HTR5A: variants seen among roughly 807,000 people sequenced by gnomAD.
HTR5A encodes the protein 5-hydroxytryptamine receptor 5A.
HTR5A carries 21 observed loss-of-function variants against 24.3 expected under a neutral mutation model. The observed-to-expected ratio is 0.86, with a 90% CI of 0.61 to 1.24. The LOEUF is 1.24. Ranked by LOEUF, HTR5A falls within the 50% of genes most tolerant of loss-of-function variation. The pLI is 0.00. For synonymous variants in HTR5A, 260 were observed against 213.7 expected (o/e 1.22, Z -1.89); for missense variants, 497 against 489.5 (o/e 1.02, Z -0.15).
chr7:155,070,771 C>G lies in HTR5A; in HGVS notation c.-129C>G. On this transcript the variant is annotated 5_prime_UTR_variant, in exon 1 of 2. Coordinates refer to ENST00000287907, the MANE Select transcript of HTR5A (RefSeq NM_024012.4). ...AGGAAATTGGGGCCAAATTCACAGG[C>G]ACTTTCCAGAAACTCCCCCACTGGC... is the stretch of plus-strand genomic sequence containing the variant. 2.0e-6 allele frequency: 2 copies of G among 983,984 alleles called. No individual in the cohort carries two copies. The highest frequency in any genetic ancestry group is 3.0e-6 in the Non-Finnish European group (2 of 661,500). The allele number at this position is 983,984 out of a possible 1,614,324, so 61.0% of individuals were successfully genotyped here.
intron 1 of HTR5A, among the ~76,000 whole-genome samples, chr7:155,076,852 C>T (rs1306973351): frequency 1.3e-5 from 2 of 152,166 alleles, no homozygotes; most frequent in African/African-American, 2.4e-5. Context: ...GAATTGATGC[C>T]TGTAATTTCT....
At chr7:155,084,096 C>T (rs1312214266) in intron 1 of HTR5A, 59 bp from the exon 2 acceptor site, 33 of 1,383,536 alleles carry the variant, frequency 2.4e-5, no homozygotes, top group Non-Finnish European at 3.0e-5. Flanking sequence ...AGTGTCCAGG[C>T]TCAGCCTAGC....
At position 155,086,930 on chromosome 7, in the gene HTR5A, G is replaced by T. The variant is rs1795483975; in HGVS notation, c.*2443G>T. 6.6e-6 allele frequency among the ~76,000 whole-genome samples: 1 copy of T among 152,132 alleles called. No individual in the cohort carries two copies. The highest frequency in any genetic ancestry group is 1.5e-5 in the Non-Finnish European group (1 of 68,024). On this transcript the variant is annotated 3_prime_UTR_variant, in exon 2 of 2. Transcript: ENST00000287907. ...ATTGCAACAACCACCTTTATTAGAT[G>T]GTGCACCTAGAGAAGGCTGGAGGGT... is the stretch of plus-strand genomic sequence containing the variant.
chr7:155,073,904 T>TATATATGTATATATATATAC (rs33948066), intron 1 of HTR5A, among the ~76,000 whole-genome samples: 1 of 37,106 alleles, frequency 2.7e-5, no homozygotes, highest in African/African-American at 6.0e-5. Flanking sequence ...TATATATATA[T>TATATATGTATATATATATAC]ATATATATAT....
rs769669704 is a variant in HTR5A at position 155,084,501 on chromosome 7, G to A, written c.*14G>A. On this transcript the variant is annotated 3_prime_UTR_variant, in exon 2 of 2. Transcript: ENST00000287907. ...AGGCAACACTGAGGGAGAGGACCAG[G>A]ATTGAAAAAAGTTTCTTCCCATAAT... is the stretch of plus-strand genomic sequence containing the variant. 2.5e-6 allele frequency: 4 copies of A among 1,579,482 alleles called. No individual in the cohort carries two copies. Among genetic ancestry groups the A allele is most frequent in the South Asian group, 2.3e-5 (2 of 86,120 alleles).
chr7:155,079,811 CA>C (rs1434290443), intron 1 of HTR5A, among the ~76,000 whole-genome samples: 1 of 152,128 alleles, frequency 6.6e-6, no homozygotes, highest in African/African-American at 2.4e-5. Flanking sequence ...CTGGACCAAA[CA>C]GATGGAGAAG....
Position 155,071,004 on chromosome 7 carries a change from G to C in HTR5A, c.105G>C (p.Leu35=), listed in dbSNP as rs1282835713. 1 of 1,611,912 alleles carries C rather than the reference G, an allele frequency of 6.2e-7. No homozygotes were observed. Among genetic ancestry groups the C allele is most frequent in the Admixed American group, 1.7e-5 (1 of 60,018 alleles). ...ACGACCTGCGCCCCAGCTCGCCCCT[G>C]CTCTCGGTCTTCGGAGTGCTTATTC... is the stretch of plus-strand genomic sequence containing the variant. ...GKDDLRPSSP[L]LSVFGVLILT... Residue 35 remains leucine, a synonymous_variant, in exon 1 of 2, where the codon CTG becomes CTC. Transcript: ENST00000287907.
At chr7:155,081,481 G>GA (rs1795417404) in intron 1 of HTR5A, among the ~76,000 whole-genome samples, 1 of 152,100 alleles carries the variant, frequency 6.6e-6, no homozygotes, top group Non-Finnish European at 1.5e-5. Context: ...TGTTCATTTA[G>GA]AAAAAAATTT....
chr7:155,086,474 G>C lies in HTR5A; in HGVS notation c.*1987G>C, dbSNP rs1408121643. ...CTCTCCAAGGATTCTGTATACCCCA[G>C]TTGGAGAACGATGTTATTATAATAT... is the stretch of plus-strand genomic sequence containing the variant. On this transcript the variant is annotated 3_prime_UTR_variant, in exon 2 of 2. Transcript: ENST00000287907. Among the ~76,000 whole-genome samples the C allele has an allele frequency of 6.6e-6, 1 of 152,218 alleles. No individual in the cohort carries two copies. The highest frequency in any genetic ancestry group is 1.5e-5 in the Non-Finnish European group (1 of 68,026).
At position 155,071,424 on chromosome 7, in the gene HTR5A, C is replaced by A. The variant is rs1795293029; in HGVS notation, c.525C>A (p.Ala175=). ...CACTCTCCGCTGTCATCTCTCTGGC[C>A]CCGCTGCTTTTTGGCTGGGGAGAGA... ...TWALSAVISL[A]PLLFGWGETY... The change falls in exon 1 of 2, where the codon GCC becomes GCA. Residue 175 remains alanine, a synonymous_variant. Transcript: ENST00000287907. 1 of 1,614,106 alleles carries A rather than the reference C, an allele frequency of 6.2e-7. No individual in the cohort carries two copies. Among genetic ancestry groups the A allele is most frequent in the African/African-American group, 1.3e-5 (1 of 74,948 alleles).
In HTR5A at chr7:155,084,235, G is replaced by T. The variant is rs572459769; in HGVS notation, c.822G>T (p.Thr274=). The T allele has an allele frequency of 3.1e-6, 5 of 1,614,042 alleles. No homozygotes were observed. Among genetic ancestry groups the T allele is most frequent in the Admixed American group, 1.7e-5 (1 of 60,000 alleles). The change falls in exon 2 of 2, where the codon ACG becomes ACT. Residue 274 remains threonine, a synonymous_variant. Coordinates refer to ENST00000287907, the MANE Select transcript of HTR5A (RefSeq NM_024012.4). ...TCACCTTCCAGCCAGAAGGGGACAC[G>T]TGGCGGGAGCAGAAGGAGCAGCGGG... ...ATVTFQPEGD[T]WREQKEQRAA...
chr7:155,071,279 C>CG lies in HTR5A; in HGVS notation c.380_381insG (p.Ser128GlnfsTer60). The stretch of plus-strand genomic sequence containing the variant: ...GCGTGCGACGTGCTTTGCTGCACGG[C>CG]CAGCATCTGGAACGTGACGGCCATA... On this transcript the variant is annotated frameshift_variant, in exon 1 of 2. Transcript: ENST00000287907. LOFTEE classifies it high-confidence loss of function. 1 of 1,608,162 alleles carries CG rather than the reference C, an allele frequency of 6.2e-7. No individual in the cohort carries two copies. The highest frequency in any genetic ancestry group is 1.1e-5 in the South Asian group (1 of 91,072).
intron 1 of HTR5A, among the ~76,000 whole-genome samples, chr7:155,073,000 T>G (rs1379136097): frequency 2.0e-5 from 3 of 152,096 alleles, no homozygotes. Flanking sequence ...AGGAAACATT[T>G]GGGCTGTCTG....
rs1585117787 is a variant in HTR5A at position 155,070,508 on chromosome 7, A to G, written c.-392A>G. 2 of 378,424 alleles carry G rather than the reference A, an allele frequency of 5.3e-6. No homozygotes were observed. 23.4% of individuals were successfully genotyped at this position (378,424 alleles called of 1,614,324 possible). On this transcript the variant is annotated 5_prime_UTR_variant, in exon 1 of 2. Transcript: ENST00000287907. ...GCGGTGAGAGCGACTGCTCTGACGC[A>G]CCAGCCCCTCTCCTGCACCCACACG...
Position 155,086,123 on chromosome 7 carries a change from T to C in HTR5A, c.*1636T>C, listed in dbSNP as rs1242889132. On this transcript the variant is annotated 3_prime_UTR_variant, in exon 2 of 2. Coordinates refer to ENST00000287907, the MANE Select transcript of HTR5A (RefSeq NM_024012.4). ...TTACTCAAGTTACTTTTCCCCATTA[T>C]TACTCGAAATCAGAGAGAATAACAA... Among the ~76,000 whole-genome samples, 3 of 152,230 alleles carry C rather than the reference T, an allele frequency of 2.0e-5. No homozygotes were observed. The highest frequency in any genetic ancestry group is 4.4e-5 in the Non-Finnish European group (3 of 68,032).
In HTR5A at chr7:155,070,942, C is replaced by T. The variant is rs11575874; in HGVS notation, c.43C>T (p.Pro15Ser). The T allele has an allele frequency of 0.052, 83,495 of 1,608,560 alleles. 2,446 individuals are homozygous for T. Among genetic ancestry groups the T allele is most frequent in the Middle Eastern group, 0.089 (542 of 6,060 alleles). Reference sequence around the variant, plus strand: ...CCTAACCTCCTTTTCCCTCTCCACCCCCTCCCCTTTGGAGACCAACCACAG... The same window carrying T: ...CCTAACCTCCTTTTCCCTCTCCACCTCCTCCCCTTTGGAGACCAACCACAG... ...VNLTSFSLST[P>S]SPLETNHSLG... Residue 15 changes from proline (P) to serine (S), a missense_variant, in exon 1 of 2, where the codon CCC (proline) becomes TCC (serine). Pro to Ser is a moderately conservative substitution (Grantham distance 74). Transcript: ENST00000287907.
At position 155,084,363 on chromosome 7, in the gene HTR5A, C is replaced by T. The variant is rs755448249; in HGVS notation, c.950C>T (p.Ala317Val). 4 of 1,614,176 alleles carry T rather than the reference C, an allele frequency of 2.5e-6. No homozygotes were observed. The highest frequency in any genetic ancestry group is 2.2e-5 in the South Asian group (2 of 91,088). ...ISPLCSCDIPAIWKSIFLWLG... is the reference protein window; with the variant it reads ...ISPLCSCDIPVIWKSIFLWLG... The stretch of plus-strand genomic sequence containing the variant: ...CCCCTCTGCTCCTGTGACATCCCCG[C>T]CATCTGGAAAAGCATCTTCCTGTGG... Residue 317 changes from alanine to valine, a missense_variant, in exon 2 of 2, where the codon GCC becomes GTC. Coordinates refer to ENST00000287907, the MANE Select transcript of HTR5A (RefSeq NM_024012.4).
rs1280071806 is a variant in HTR5A at position 155,070,943 on chromosome 7, C to G, written c.44C>G (p.Pro15Arg). The G allele has an allele frequency of 3.1e-6, 5 of 1,608,700 alleles. No individual in the cohort carries two copies. The highest frequency in any genetic ancestry group is 2.2e-5 in the East Asian group (1 of 44,888). ...VNLTSFSLST[P>R]SPLETNHSLG... ...CTAACCTCCTTTTCCCTCTCCACCC[C>G]CTCCCCTTTGGAGACCAACCACAGC... The change falls in exon 1 of 2, where the codon CCC becomes CGC. Residue 15 changes from proline to arginine, a missense_variant. Physicochemically the swap from Pro to Arg is moderately radical, Grantham distance 103 (BLOSUM62 -2). Transcript: ENST00000287907.
intron 1 of HTR5A, among the ~76,000 whole-genome samples, chr7:155,073,877 G>GTATATATATATGTATATATATATA (rs1795328279): frequency 2.5e-4 from 2 of 8,008 alleles, no homozygotes; most frequent in African/African-American, 3.1e-4. Flanking sequence ...ATATATATAT[G>GTATATATATATGTATATATATATA]TATATATATA....
Sources: gnomAD v4.1 joint callset for allele counts (sites outside exome capture counted in the v4.1 genomes callset) on GRCh38, gnomAD v4.1.1 for gene constraint, MANE v1.5 for transcripts, NCBI Gene and HGNC (gene_info 2026-07-23, HGNC 2026-07-21) for gene names.